The following SP6 variants were observed in gnomAD, a reference collection of about 807,000 sequenced individuals.
SP6 encodes transcription factor Sp6.
Under a neutral mutation model 23.4 loss-of-function variants are expected in SP6, and 10 were observed. The ratio of observed to expected loss-of-function variants is 0.43; its 90% CI spans 0.26 to 0.72. The LOEUF (loss-of-function observed/expected upper bound fraction) is 0.72, where lower values mean the gene tolerates loss of function less well. Ranked by LOEUF, SP6 falls within the 30% of genes least tolerant of loss-of-function variation. The pLI is 0.23. For synonymous variants in SP6, 238 were observed against 238.7 expected, an observed-to-expected ratio of 1.00 and a Z score of 0.03; for missense variants, 482 against 523.8, an observed-to-expected ratio of 0.92 and a Z score of 0.78.
chr17:47,848,238 C>G lies in SP6; in HGVS notation c.192G>C (p.Ser64=). The change falls in exon 2 of 2, where the codon TCG becomes TCC. Residue 64 remains serine, a synonymous_variant. Coordinates refer to ENST00000536300, the MANE Select transcript of SP6 (RefSeq NM_001258248.2). This position sits in a 1 kb window ranked among gnomAD's most constrained non-coding sequence, Gnocchi z 5.3. ...SLPLGPEVDF[S]QGYELPGASS... ...AGGCCCCTGGCAGCTCATAGCCCTGCGAGAAGTCCACCTCCGGGCCCAGCG... is the reference window on the plus strand; with the variant it reads ...AGGCCCCTGGCAGCTCATAGCCCTGGGAGAAGTCCACCTCCGGGCCCAGCG... 9 of 1,611,890 alleles carry G rather than the reference C, an allele frequency of 5.6e-6. No homozygotes were observed. The highest frequency in any genetic ancestry group is 7.6e-6 in the Non-Finnish European group (9 of 1,179,034).
At chr17:47,859,319 A>G (rs2034019882), upstream of SP6, among the ~76,000 whole-genome samples, 1 of 152,186 alleles carries the variant, frequency 6.6e-6, no homozygotes, top group Non-Finnish European at 1.5e-5. Flanking sequence ...TTGCCTCTGG[A>G]AAGCACATTA....
Position 47,848,227 on chromosome 17 carries a change from T to C in SP6, c.203A>G (p.Glu68Gly). 6.2e-7 allele frequency: 1 copy of C among 1,612,308 alleles called. No individual in the cohort carries two copies. The highest frequency in any genetic ancestry group is 8.5e-7 in the Non-Finnish European group (1 of 1,179,382). ...GPEVDFSQGY[E>G]LPGASSRVTC... Reference sequence around the variant, plus strand: ...TACCCGCGAGGAGGCCCCTGGCAGCTCATAGCCCTGCGAGAAGTCCACCTC... The same window carrying C: ...TACCCGCGAGGAGGCCCCTGGCAGCCCATAGCCCTGCGAGAAGTCCACCTC... The change falls in exon 2 of 2, where the codon GAG (glutamate) becomes GGG (glycine). Residue 68 changes from glutamate to glycine, a missense_variant. Coordinates refer to ENST00000536300, the MANE Select transcript of SP6 (RefSeq NM_001258248.2). The surrounding 1 kb of genome is among the most constrained non-coding windows in gnomAD (Gnocchi z 5.3).
At chr17:47,849,120 A>C (rs2033928299) in intron 1 of SP6, among the ~76,000 whole-genome samples, 3 of 150,420 alleles carry the variant, frequency 2.0e-5, no homozygotes, top group African/African-American at 7.4e-5. Flanking sequence ...ACATGCCCCC[A>C]CCCCCTTCCC....
the SP6 span, among the ~76,000 whole-genome samples, chr17:47,873,458 G>C: frequency 1.3e-5 from 2 of 152,202 alleles, no homozygotes; most frequent in Non-Finnish European, 2.9e-5. Context: ...AACAGCCCTA[G>C]GTTAACAGCA....
At position 47,847,775 on chromosome 17, in the gene SP6, C is replaced by A; in HGVS notation, c.655G>T (p.Val219Leu). The A allele has an allele frequency of 6.4e-7, 1 of 1,551,252 alleles. No individual in the cohort carries two copies. The change falls in exon 2 of 2, where the codon GTG becomes TTG. Residue 219 changes from valine to leucine, a missense_variant. Val to Leu is a conservative substitution (Grantham distance 32, BLOSUM62 1). Transcript: ENST00000536300. ...AARPKGSRRS[V>L]PRSSGQTVCR... ...ACGGTCTGGCCTGAGCTGCGGGGCA[C>A]CGACCGCCGGGAGCCTTTGGGACGC...
the SP6 span, among the ~76,000 whole-genome samples, chr17:47,870,301 A>C: frequency 6.6e-6 from 1 of 151,352 alleles, no homozygotes; most frequent in African/African-American, 2.4e-5. Flanking sequence ...TACCCTCTCC[A>C]CCTCTCGTGG....
chr17:47,858,532 G>A (rs1325197232), upstream of SP6, among the ~76,000 whole-genome samples: 1 of 152,166 alleles, frequency 6.6e-6, no homozygotes, highest in Admixed American at 6.5e-5. Context: ...TAGGGCAGGG[G>A]AAGATGATGA....
At chr17:47,862,615 C>T in the SP6 span, among the ~76,000 whole-genome samples, 3 of 152,180 alleles carry the variant, frequency 2.0e-5, no homozygotes, top group African/African-American at 4.8e-5. Context: ...AAGCCATGTG[C>T]GGATGAGAAA....
Position 47,848,057 on chromosome 17 carries a change from G to A in SP6, c.373C>T (p.Pro125Ser). The stretch of plus-strand genomic sequence containing the variant: ...GGGAGGTCCATCCAGCTGGTGCCCG[G>A]ATGAAGGTCCCACCACGAGCCATCC... ...AEDGSWWDLH[P>S]GTSWMDLPHT... Residue 125 changes from proline (P) to serine (S), a missense_variant, in exon 2 of 2, where the codon CCG becomes TCG. Around this residue, in one of 3 missense-constraint regions of SP6, gnomAD observed 330 missense variants for 332.3 expected, o/e 0.99. Coordinates refer to ENST00000536300, the MANE Select transcript of SP6 (RefSeq NM_001258248.2). This position sits in a 1 kb window ranked among gnomAD's most constrained non-coding sequence, Gnocchi z 5.3. The A allele has an allele frequency of 6.2e-7, 1 of 1,613,070 alleles. No individual in the cohort carries two copies. The highest frequency in any genetic ancestry group is 2.2e-5 in the East Asian group (1 of 44,866).
the SP6 span, among the ~76,000 whole-genome samples, chr17:47,863,061 G>C: frequency 1.3e-5 from 2 of 152,280 alleles, no homozygotes; most frequent in African/African-American, 4.8e-5. Context: ...GGCAGTCCTG[G>C]AGCCTGGTGT....
chr17:47,849,391 A>G (rs2143652217), intron 1 of SP6, among the ~76,000 whole-genome samples: 1 of 152,302 alleles, frequency 6.6e-6, no homozygotes, highest in Admixed American at 6.5e-5. Context: ...TTTAAGTGAT[A>G]CAAGGTCAGA....
In SP6 at chr17:47,848,735, G is replaced by A. The variant is rs576672806; in HGVS notation, c.-57-249C>T. Among the ~76,000 whole-genome samples, 3 of 152,198 alleles carry A rather than the reference G, an allele frequency of 2.0e-5. No individual in the cohort carries two copies. The South Asian group carries it at 6.2e-4, about 32-fold the overall frequency. ...TGCCGTATGACCCAGCTCATCCCTA[G>A]AGTTGGGCCACTCCCAGGATGGTAG... On this transcript the variant is annotated intron_variant, in intron 1 of 1. Coordinates refer to ENST00000536300, the MANE Select transcript of SP6 (RefSeq NM_001258248.2). This position sits in a 1 kb window ranked among gnomAD's most constrained non-coding sequence, Gnocchi z 5.3.
upstream of SP6, among the ~76,000 whole-genome samples, chr17:47,860,344 A>G (rs1441019662): frequency 6.6e-6 from 1 of 152,230 alleles, no homozygotes; most frequent in Non-Finnish European, 1.5e-5. Flanking sequence ...TCTAAAATAT[A>G]GAGCGTTTAA....
At chr17:47,864,177 C>T in the SP6 span, among the ~76,000 whole-genome samples, 1 of 152,000 alleles carries the variant, frequency 6.6e-6, no homozygotes, top group African/African-American at 2.4e-5. Flanking sequence ...CATTGATTAT[C>T]CACAAGTGCT....
the SP6 span, among the ~76,000 whole-genome samples, chr17:47,871,046 C>T: frequency 0.14 from 21,809 of 152,188 alleles, 1,914 homozygotes; most frequent in Middle Eastern, 0.25. Flanking sequence ...AACCCTCGAT[C>T]GAGTATTCCA....
the SP6 span, among the ~76,000 whole-genome samples, chr17:47,872,534 A>G: frequency 6.6e-6 from 1 of 152,156 alleles, no homozygotes; most frequent in Non-Finnish European, 1.5e-5. Context: ...GGAGGAGGGT[A>G]ATTAGCAGGG....
the SP6 span, among the ~76,000 whole-genome samples, chr17:47,862,624 AAG>A: frequency 6.6e-6 from 1 of 152,342 alleles, no homozygotes; most frequent in South Asian, 2.1e-4. Flanking sequence ...GCGGATGAGA[AAG>A]AGACAGCAGT....
upstream of SP6, among the ~76,000 whole-genome samples, chr17:47,860,582 G>A (rs150801813): frequency 8.6e-4 from 131 of 152,102 alleles, no homozygotes; most frequent in Middle Eastern, 3.4e-3. Flanking sequence ...TCCCCTTGTC[G>A]GCTGGGTGCA....
the SP6 span, among the ~76,000 whole-genome samples, chr17:47,874,272 G>A: frequency 7.2e-5 from 11 of 151,992 alleles, no homozygotes; most frequent in South Asian, 2.3e-3. Context: ...ATTTTTTTCT[G>A]TAGAGGCTGG....
Sources: gnomAD v4.1 joint callset for allele counts (sites outside exome capture counted in the v4.1 genomes callset) on GRCh38, gnomAD v4.1.1 for gene constraint, gnomAD v4.1.1 regional missense constraint, Gnocchi (gnomAD v3.1) non-coding constraint, MANE v1.5 for transcripts, NCBI Gene and HGNC (gene_info 2026-07-23, HGNC 2026-07-21) for gene names.